Variants in ASCC2 observed in about 807,000 individuals in gnomAD.
The protein encoded by ASCC2 is activating signal cointegrator 1 complex subunit 2, also known as ASC-1 complex subunit P100.
ASCC2 carries 42 observed loss-of-function variants against 93.5 expected under a neutral mutation model. The ratio of observed to expected loss-of-function variants is 0.45; its 90% confidence interval spans 0.35 to 0.58. ASCC2 has a LOEUF of 0.58. Among genes scored for constraint, ASCC2 ranks in the 20% least tolerant of loss-of-function variants. The pLI is 0.00. For synonymous variants in ASCC2, 364 were observed against 384.2 expected, an observed-to-expected ratio of 0.95 and a Z score of 0.62; for missense variants, 859 against 977.6, an observed-to-expected ratio of 0.88 and a Z score of 1.62.
chr22:29,804,503 G>A, intron 13 of ASCC2, 135 bp downstream of exon 13: 3 of 1,018,894 alleles, frequency 2.9e-6, no homozygotes, highest in Non-Finnish European at 2.9e-6. Flanking sequence ...CCAGTTGCTT[G>A]AGGCTGTCTA....
intron 5 of ASCC2, among the ~76,000 whole-genome samples, chr22:29,819,769 G>A (rs2061336500): frequency 6.6e-6 from 1 of 152,112 alleles, no homozygotes; most frequent in Non-Finnish European, 1.5e-5. Flanking sequence ...CACTCTCTAA[G>A]CAAACTGGCC....
At chr22:29,828,904 G>T (rs1293369035) in intron 2 of ASCC2, among the ~76,000 whole-genome samples, 1 of 152,230 alleles carries the variant, frequency 6.6e-6, no homozygotes, top group East Asian at 1.9e-4. Context: ...GCTGGGTACA[G>T]TGGCTCATGC....
intron 19 of ASCC2, among the ~76,000 whole-genome samples, chr22:29,790,128 A>G (rs1352966982): frequency 6.6e-6 from 1 of 152,166 alleles, no homozygotes; most frequent in Non-Finnish European, 1.5e-5. Flanking sequence ...ACTCTGCCTG[A>G]TATCAGCTAG....
chr22:29,825,799 C>T lies in ASCC2; in HGVS notation c.82-19G>A, dbSNP rs749435358. ...CGGGGTGCTACGGATCCAAAAACCA[C>T]GTGTTAACGTGGCAGAGGTTAGTCA... On this transcript the variant is annotated intron_variant, in intron 2 of 19. Transcript: ENST00000307790. This position sits in a 1 kb window ranked among gnomAD's most constrained non-coding sequence, Gnocchi z 4.9. 1.4e-5 allele frequency: 22 copies of T among 1,592,386 alleles called. No homozygotes were observed. Among genetic ancestry groups the T allele is most frequent in the Non-Finnish European group, 1.8e-5 (21 of 1,166,168 alleles).
intron 15 of ASCC2, among the ~76,000 whole-genome samples, chr22:29,794,240 T>C (rs1004374094): frequency 6.8e-6 from 1 of 146,960 alleles, no homozygotes; most frequent in Non-Finnish European, 1.5e-5. Flanking sequence ...ACTCCTGTAA[T>C]CCCAACACTT....
Position 29,800,123 on chromosome 22 carries a change from G to A in ASCC2, c.1688+868C>T, listed in dbSNP as rs1056475940. Among the ~76,000 whole-genome samples, 8 of 152,264 alleles carry A rather than the reference G, an allele frequency of 5.3e-5. 1 individual carries two copies. The South Asian group carries it at 1.5e-3, about 28-fold the overall frequency. On this transcript the variant is annotated intron_variant, in intron 15 of 19. Coordinates refer to ENST00000307790, the MANE Select transcript of ASCC2 (RefSeq NM_032204.5). ...AAACATAAAATATGCTGGCTTTGTC[G>A]GTTCATGGGACCCTTTGCTGTGCTC...
At chr22:29,810,137 C>A (rs1036934030) in intron 8 of ASCC2, 1 of 152,614 alleles carries the variant, frequency 6.6e-6, no homozygotes, top group African/African-American at 2.4e-5. Context: ...TCATTCTCCT[C>A]CTCCTCCATG....
chr22:29,795,610 G>A (rs2058334432), intron 15 of ASCC2, among the ~76,000 whole-genome samples: 1 of 152,140 alleles, frequency 6.6e-6, no homozygotes, highest in Non-Finnish European at 1.5e-5. Context: ...AAGTTTCCAT[G>A]TAAAATTTCA....
At chr22:29,815,106 GCAACATGGTGAGACCC>G (rs2060685427) in intron 6 of ASCC2, 2 of 233,750 alleles carry the variant, frequency 8.6e-6, no homozygotes, top group South Asian at 9.7e-5. Flanking sequence ...ACCAGCCTGG[GCAACATGGTGAGACCC>G]CCATCTCCAC....
chr22:29,791,238 G>A (rs2057699170), intron 18 of ASCC2, among the ~76,000 whole-genome samples: 1 of 151,856 alleles, frequency 6.6e-6, no homozygotes, highest in African/African-American at 2.4e-5. Flanking sequence ...CTAGCCAGGC[G>A]TGGTGGTGTG....
intron 8 of ASCC2, among the ~76,000 whole-genome samples, chr22:29,812,565 C>T (rs2060394401): frequency 6.6e-6 from 1 of 152,180 alleles, no homozygotes; most frequent in African/African-American, 2.4e-5. Flanking sequence ...ATCCCAGGCT[C>T]CCCACGATCT....
At chr22:29,811,540 T>A (rs1044213776) in intron 8 of ASCC2, among the ~76,000 whole-genome samples, 5 of 152,220 alleles carry the variant, frequency 3.3e-5, no homozygotes, top group Admixed American at 2.6e-4. Context: ...TGTAACCACT[T>A]TCAGAGAGGC....
chr22:29,827,597 A>G (rs2062534014), intron 2 of ASCC2: 5 of 470,876 alleles, frequency 1.1e-5, no homozygotes, highest in African/African-American at 1.0e-4. Context: ...TTACAGGTAC[A>G]AATCTGTTGA....
intron 15 of ASCC2, among the ~76,000 whole-genome samples, chr22:29,796,689 C>G (rs562850383): frequency 6.6e-6 from 1 of 152,178 alleles, no homozygotes; most frequent in Admixed American, 6.5e-5. Flanking sequence ...CTATGCTAAG[C>G]TGAAAAAGAG....
At position 29,798,325 on chromosome 22, in the gene ASCC2, T is replaced by G. The variant is rs149948132; in HGVS notation, c.1688+2666A>C. On this transcript the variant is annotated intron_variant, in intron 15 of 19. Coordinates refer to ENST00000307790, the MANE Select transcript of ASCC2 (RefSeq NM_032204.5). Reference sequence around the variant, plus strand: ...GTGAGTTGGTTTTCCTGATGAGATATGAGGGGTATTGGAGACTTCTGGGAA... The same window carrying G: ...GTGAGTTGGTTTTCCTGATGAGATAGGAGGGGTATTGGAGACTTCTGGGAA... Among the ~76,000 whole-genome samples, 235 of 152,224 alleles carry G rather than the reference T, an allele frequency of 1.5e-3. 1 individual carries two copies. Among genetic ancestry groups the G allele is most frequent in the African/African-American group, 5.5e-3 (227 of 41,540 alleles).
At position 29,790,614 on chromosome 22, in the gene ASCC2, G is replaced by A. The variant is rs1052431357; in HGVS notation, c.2023-66C>T. On this transcript the variant is annotated intron_variant, in intron 18 of 19. Coordinates refer to ENST00000307790, the MANE Select transcript of ASCC2 (RefSeq NM_032204.5). ...GCCACATTTTCCTAAGCGGCGATGA[G>A]GCCCTGCTCAAGTGAAGCTTGTCGA... 7.9e-6 allele frequency: 12 copies of A among 1,520,678 alleles called. No individual in the cohort carries two copies. In the East Asian group the frequency reaches 2.0e-4, roughly 26 times the overall value. The allele number at this position is 1,520,678 out of a possible 1,614,324, so 94.2% of individuals were successfully genotyped here.
chr22:29,791,147 G>A (rs1569356189), intron 18 of ASCC2, among the ~76,000 whole-genome samples: 2 of 151,836 alleles, frequency 1.3e-5, no homozygotes, highest in Non-Finnish European at 2.9e-5. Context: ...AGGTCAAGGT[G>A]GGAGGATCAC....
chr22:29,812,070 T>C (rs757400030), intron 8 of ASCC2, among the ~76,000 whole-genome samples: 13 of 152,214 alleles, frequency 8.5e-5, no homozygotes, highest in Non-Finnish European at 4.4e-5. Flanking sequence ...GGAGGCTCAA[T>C]AACCCTAATG....
At chr22:29,818,242 C>T (rs1009256407) in intron 5 of ASCC2, among the ~76,000 whole-genome samples, 8 of 152,030 alleles carry the variant, frequency 5.3e-5, no homozygotes, top group South Asian at 2.1e-4. Context: ...GTATAGAAAT[C>T]GGCGGCTGCC....
Sources: allele counts gnomAD v4.1 joint callset (sites outside exome capture counted in the v4.1 genomes callset), GRCh38; gene constraint gnomAD v4.1.1; non-coding constraint Gnocchi (gnomAD v3.1); transcripts MANE v1.5; gene names NCBI Gene and HGNC (gene_info 2026-07-23, HGNC 2026-07-21).